The following LYZL2 variants were observed in gnomAD, a reference collection of about 807,000 sequenced individuals.
LYZL2 encodes the protein lysozyme-like protein 2.
Under a neutral mutation model 17.1 loss-of-function variants are expected in LYZL2, and 13 were observed. The ratio of observed to expected loss-of-function variants is 0.76; its 90% CI spans 0.49 to 1.21. LYZL2 has a LOEUF of 1.21. Ranked by LOEUF, LYZL2 falls within the 50% of genes most tolerant of loss-of-function variation. The probability of loss-of-function intolerance (pLI) is 0.00; values close to 1 mark genes in which losing one functional copy is unlikely to be tolerated. For missense variants in LYZL2, 166 were observed against 189.2 expected, an observed-to-expected ratio of 0.88 and a Z score of 0.72; for synonymous variants, 63 against 74.4, an observed-to-expected ratio of 0.85 and a Z score of 0.79.
chr10:30,629,671 G>C lies in LYZL2; in HGVS notation c.-104C>G. The C allele has an allele frequency of 6.2e-7, 1 of 1,614,040 alleles. No individual in the cohort carries two copies. Among genetic ancestry groups the C allele is most frequent in the Non-Finnish European group, 8.5e-7 (1 of 1,179,884 alleles). The stretch of plus-strand genomic sequence containing the variant: ...TGCGGAAGAAACACTGCTCCACTTA[G>C]TCGGTGACAGGCAGCTCAGGGGAGC... On this transcript the variant is annotated 5_prime_UTR_variant, in exon 1 of 5. Transcript: ENST00000647634.
At chr10:30,629,226 A>T (rs1838767575) in intron 1 of LYZL2, among the ~76,000 whole-genome samples, 1 of 152,062 alleles carries the variant, frequency 6.6e-6, no homozygotes, top group Non-Finnish European at 1.5e-5. Flanking sequence ...GACCTCTGTC[A>T]CTACAAAATA....
Position 30,612,918 on chromosome 10 carries a change from A to T in LYZL2, c.299-18T>A. Reference sequence around the variant, plus strand: ...GACCAAGGCTGTAAAAAGAGAGGTCATCAGGGTTAGGCGAGACTTTGTTGT... The same window carrying T: ...GACCAAGGCTGTAAAAAGAGAGGTCTTCAGGGTTAGGCGAGACTTTGTTGT... On this transcript the variant is annotated intron_variant, in intron 3 of 4. Transcript: ENST00000647634. 6.2e-7 allele frequency: 1 copy of T among 1,609,206 alleles called. No individual in the cohort carries two copies. Among genetic ancestry groups the T allele is most frequent in the East Asian group, 2.2e-5 (1 of 44,864 alleles).
chr10:30,615,172 T>C (rs1468260514), intron 3 of LYZL2, among the ~76,000 whole-genome samples: 1 of 152,176 alleles, frequency 6.6e-6, no homozygotes, highest in African/African-American at 2.4e-5. Context: ...GATAAAAATA[T>C]GTTTATATAG....
intron 3 of LYZL2, among the ~76,000 whole-genome samples, chr10:30,617,680 A>AAAAAAAAAAAAAAAAAAAAG (rs1838554487): frequency 1.7e-5 from 2 of 119,664 alleles, no homozygotes; most frequent in Non-Finnish European, 3.6e-5. Context: ...GTCTCAAAAA[A>AAAAAAAAAAAAAAAAAAAAG]AAAAAAAAAA....
chr10:30,617,529 G>A (rs902327658), intron 3 of LYZL2, among the ~76,000 whole-genome samples: 2 of 151,846 alleles, frequency 1.3e-5, no homozygotes, highest in African/African-American at 4.8e-5. Context: ...ACAAAAGTTA[G>A]CTGGCTGTGG....
At chr10:30,608,935 G>A (rs1325944172), downstream of LYZL2, among the ~76,000 whole-genome samples, 2 of 152,038 alleles carry the variant, frequency 1.3e-5, no homozygotes, top group Non-Finnish European at 2.9e-5. Context: ...AAATTCCTGG[G>A]CTCAAGCGAC....
In LYZL2 at chr10:30,626,094, C is replaced by A. The variant is rs751910937; in HGVS notation, c.298+11G>T. 3.7e-6 allele frequency: 6 copies of A among 1,611,314 alleles called. No homozygotes were observed. The highest frequency in any genetic ancestry group is 5.1e-6 in the Non-Finnish European group (6 of 1,178,394). ...CCTGAGGATGGCATCACTGGAAAGTCAGAGCCTCACCTGAGCAGGCGACGT... is the reference window on the plus strand; with the variant it reads ...CCTGAGGATGGCATCACTGGAAAGTAAGAGCCTCACCTGAGCAGGCGACGT... On this transcript the variant is annotated intron_variant, in intron 3 of 4. Transcript: ENST00000647634.
chr10:30,620,975 C>G (rs76829189), intron 3 of LYZL2, among the ~76,000 whole-genome samples: 319 of 152,070 alleles, frequency 2.1e-3, no homozygotes, highest in Non-Finnish European at 3.6e-3. Context: ...ATGAATGGTA[C>G]AGCATCAGCG....
At chr10:30,614,415 A>G (rs892905075) in intron 3 of LYZL2, among the ~76,000 whole-genome samples, 2 of 152,210 alleles carry the variant, frequency 1.3e-5, no homozygotes, top group Admixed American at 6.5e-5. Flanking sequence ...CCTCTGCCTC[A>G]CACGTCAATG....
At chr10:30,611,759 AAAGAG>A (rs1838448623), downstream of LYZL2, 1 of 747,042 alleles carries the variant, frequency 1.3e-6, no homozygotes, top group African/African-American at 1.9e-5. Context: ...GAAAGGAAAG[AAAGAG>A]AAAAGGGAAC....
downstream of LYZL2, among the ~76,000 whole-genome samples, chr10:30,607,470 G>C (rs1308723335): frequency 6.6e-6 from 1 of 152,038 alleles, no homozygotes; most frequent in Non-Finnish European, 1.5e-5. Context: ...ATTAGCTTCT[G>C]CCCTTGTGCT....
intron 1 of LYZL2, among the ~76,000 whole-genome samples, chr10:30,627,178 A>C (rs1408160699): frequency 6.6e-6 from 1 of 152,162 alleles, no homozygotes; most frequent in African/African-American, 2.4e-5. Flanking sequence ...GGGTTAAGTA[A>C]GTGAAAAAAT....
At chr10:30,622,570 A>AG (rs928686961) in intron 3 of LYZL2, among the ~76,000 whole-genome samples, 1 of 151,462 alleles carries the variant, frequency 6.6e-6, no homozygotes, top group African/African-American at 2.4e-5. Flanking sequence ...AAAAGAAAAA[A>AG]AAAGAAAAAG....
intron 1 of LYZL2, among the ~76,000 whole-genome samples, chr10:30,627,403 CCTCCTCCA>C (rs933961222): frequency 1.4e-4 from 22 of 151,894 alleles, no homozygotes; most frequent in African/African-American, 4.8e-4. Context: ...CCCTCCTCTT[CCTCCTCCA>C]CCTCAGCCTG....
chr10:30,627,946 T>C (rs1255133687), intron 1 of LYZL2, among the ~76,000 whole-genome samples: 2 of 152,126 alleles, frequency 1.3e-5, no homozygotes, highest in African/African-American at 4.8e-5. Context: ...GATCACGAGG[T>C]CAGGAGATCA....
chr10:30,611,530 A>AGAAGGAAGGAAGGAAGGAAGGAAG (rs762109748), downstream of LYZL2, among the ~76,000 whole-genome samples: 15 of 80,422 alleles, frequency 1.9e-4, no homozygotes, highest in South Asian at 1.4e-3. Context: ...GGAAAAAGAA[A>AGAAGGAAGGAAGGAAGGAAGGAAG]GAAGGAAGGA....
At chr10:30,622,335 A>T (rs1239740842) in intron 3 of LYZL2, among the ~76,000 whole-genome samples, 1 of 152,108 alleles carries the variant, frequency 6.6e-6, no homozygotes, top group East Asian at 1.9e-4. Flanking sequence ...TCACAAGGTC[A>T]GGAGATCGAG....
intron 1 of LYZL2, among the ~76,000 whole-genome samples, chr10:30,629,336 G>A (rs1838769062): frequency 3.3e-5 from 5 of 151,226 alleles, no homozygotes. Context: ...TGAGGCTGTT[G>A]TGAGTTGTGA....
At position 30,611,944 on chromosome 10, in the gene LYZL2, C is replaced by G. The variant is rs762717531; in HGVS notation, c.*11G>C. 2 of 1,614,180 alleles carry G rather than the reference C, an allele frequency of 1.2e-6. No individual in the cohort carries two copies. Among genetic ancestry groups the G allele is most frequent in the South Asian group, 1.1e-5 (1 of 91,080 alleles). ...GGCGTTGCTGCAAAGCATCCTGGGT[C>G]CAGTTCCAGTTTAGGAAACCTCACA... On this transcript the variant is annotated 3_prime_UTR_variant, in exon 5 of 5. Coordinates refer to ENST00000647634, the MANE Select transcript of LYZL2 (RefSeq NM_183058.3).
Sources: gnomAD v4.1 joint callset for allele counts (sites outside exome capture counted in the v4.1 genomes callset) on GRCh38, gnomAD v4.1.1 for gene constraint, MANE v1.5 for transcripts, NCBI Gene and HGNC (gene_info 2026-07-23, HGNC 2026-07-21) for gene names.